The following NRCAM variants were observed in gnomAD, a reference collection of about 807,000 sequenced individuals.
NRCAM encodes NgCAM-related cell adhesion molecule.
In NRCAM, 83 loss-of-function variants were observed where a neutral mutation model predicts 156.5. The ratio of observed to expected loss-of-function variants is 0.53; its 90% confidence interval spans 0.44 to 0.64. The LOEUF is 0.64. Ranked by LOEUF, NRCAM falls within the 30% of genes least tolerant of loss-of-function variation. The pLI is 0.00. For synonymous variants in NRCAM, 538 were observed against 563.9 expected (o/e 0.95, Z 0.65); for missense variants, 1,417 against 1,597.3 (o/e 0.89, Z 1.92).
At position 108,186,548 on chromosome 7, in the gene NRCAM, G is replaced by A. The variant is rs575724162; in HGVS notation, c.2036-1934C>T. ...ATTCCAGGCCACCCTCATCTCTTGTGTGAGTTATCACATAACCTCCTAACT... is the reference window on the plus strand; with the variant it reads ...ATTCCAGGCCACCCTCATCTCTTGTATGAGTTATCACATAACCTCCTAACT... On this transcript the variant is annotated intron_variant, in intron 20 of 32. Transcript: ENST00000379028. 7.2e-5 allele frequency among the ~76,000 whole-genome samples: 11 copies of A among 152,062 alleles called. 1 individual carries two copies. The highest frequency in any genetic ancestry group is 2.7e-4 in the African/African-American group (11 of 41,502).
At chr7:108,307,693 ACC>A (rs373987990) in intron 3 of NRCAM, among the ~76,000 whole-genome samples, 1,571 of 152,018 alleles carry the variant, frequency 0.01, 38 homozygotes, top group African/African-American at 0.036. Flanking sequence ...AAAAAAAAAA[ACC>A]CAAGCATCTA....
intron 1 of NRCAM, among the ~76,000 whole-genome samples, chr7:108,443,013 C>T (rs1233785026): frequency 2.0e-5 from 3 of 152,042 alleles, no homozygotes; most frequent in African/African-American, 7.2e-5. Context: ...GTCTGTAGCA[C>T]GGAAAGAACA....
At position 108,148,308 on chromosome 7, in the gene NRCAM, T is replaced by C. The variant is rs1294878383; in HGVS notation, c.*1602A>G. ...CCTCTTATACAGTACAACATAAACA[T>C]TGCATGTTTATTTGTATGTAACACC... is the stretch of plus-strand genomic sequence containing the variant. On this transcript the variant is annotated 3_prime_UTR_variant, in exon 33 of 33. Transcript: ENST00000379028. 1 of 152,656 alleles carries C rather than the reference T, an allele frequency of 6.6e-6. No homozygotes were observed. Among genetic ancestry groups the C allele is most frequent in the East Asian group, 1.9e-4 (1 of 5,202 alleles). 9.5% of individuals were successfully genotyped at this position (152,656 alleles called of 1,614,324 possible).
chr7:108,321,834 TCAAA>T (rs2099005212), intron 2 of NRCAM, among the ~76,000 whole-genome samples: 2 of 152,234 alleles, frequency 1.3e-5, no homozygotes, highest in South Asian at 4.1e-4. Flanking sequence ...AATTCTTCTT[TCAAA>T]CAAACTTTTA....
intron 1 of NRCAM, among the ~76,000 whole-genome samples, chr7:108,435,458 C>T (rs150316432): frequency 5.9e-5 from 9 of 152,186 alleles, no homozygotes; most frequent in South Asian, 2.1e-4. Context: ...GTTCCAAAAG[C>T]AGAGGAGAGG....
intron 13 of NRCAM, among the ~76,000 whole-genome samples, chr7:108,202,098 T>A (rs753456359): frequency 6.6e-6 from 1 of 152,166 alleles, no homozygotes; most frequent in Non-Finnish European, 1.5e-5. Context: ...TAATCATTAA[T>A]TCTAGGAATA....
intron 12 of NRCAM, among the ~76,000 whole-genome samples, chr7:108,208,085 G>C (rs1346790285): frequency 6.6e-6 from 1 of 151,552 alleles, no homozygotes; most frequent in Admixed American, 6.6e-5. Flanking sequence ...CTTGAGGTCA[G>C]GAGTTCGAAA....
chr7:108,238,730 C>A (rs2095315092), intron 4 of NRCAM, among the ~76,000 whole-genome samples: 1 of 152,248 alleles, frequency 6.6e-6, no homozygotes, highest in Middle Eastern at 3.4e-3. Flanking sequence ...GGCATTCCCA[C>A]TCCAATGGGC....
chr7:108,446,228 G>A (rs1844000491), intron 1 of NRCAM, among the ~76,000 whole-genome samples: 1 of 152,172 alleles, frequency 6.6e-6, no homozygotes, highest in Non-Finnish European at 1.5e-5. Flanking sequence ...GTACCCTTCT[G>A]GATTCAATGA....
chr7:108,268,712 C>G (rs1224408622), intron 3 of NRCAM, among the ~76,000 whole-genome samples: 1 of 151,172 alleles, frequency 6.6e-6, no homozygotes, highest in African/African-American at 2.4e-5. Context: ...ACCACATTCT[C>G]TAGAGGATTG....
At chr7:108,382,289 T>C (rs995109237) in intron 2 of NRCAM, among the ~76,000 whole-genome samples, 4 of 151,696 alleles carry the variant, frequency 2.6e-5, no homozygotes, top group Admixed American at 2.6e-4. Context: ...TTGGTAGCAT[T>C]ATCCAGTCAA....
At chr7:108,213,133 T>G (rs1003572786) in intron 11 of NRCAM, among the ~76,000 whole-genome samples, 56 of 152,332 alleles carry the variant, frequency 3.7e-4, no homozygotes, top group African/African-American at 1.2e-3. Flanking sequence ...GAATTTTGTA[T>G]CCAGCGAAAC....
intron 3 of NRCAM, among the ~76,000 whole-genome samples, chr7:108,276,622 T>C (rs921618532): frequency 1.3e-5 from 2 of 152,160 alleles, no homozygotes; most frequent in Non-Finnish European, 2.9e-5. Context: ...TTTGAGCCTA[T>C]GTGTGTCTGT....
At chr7:108,181,195 GA>G (rs5886442) in intron 24 of NRCAM, among the ~76,000 whole-genome samples, 19,414 of 148,702 alleles carry the variant, frequency 0.13, 1,694 homozygotes, top group African/African-American at 0.25. Context: ...ATGCTAGGGG[GA>G]AAAAAAAAAA....
At chr7:108,451,420 T>C (rs145635874) in intron 1 of NRCAM, among the ~76,000 whole-genome samples, 1,833 of 144,832 alleles carry the variant, frequency 0.013, 41 homozygotes, top group African/African-American at 0.043. Flanking sequence ...CAAAAAAAAA[T>C]AGAACTACCA....
At chr7:108,437,803 T>A (rs1290577783) in intron 1 of NRCAM, among the ~76,000 whole-genome samples, 1 of 152,016 alleles carries the variant, frequency 6.6e-6, no homozygotes, top group African/African-American at 2.4e-5. Flanking sequence ...GTAATATAAA[T>A]GACAATAATA....
intron 1 of NRCAM, among the ~76,000 whole-genome samples, chr7:108,452,739 G>A (rs1357559460): frequency 6.6e-6 from 1 of 152,194 alleles, no homozygotes; most frequent in Non-Finnish European, 1.5e-5. Flanking sequence ...TAAAGAATAT[G>A]TTAGAAGCTC....
intron 1 of NRCAM, among the ~76,000 whole-genome samples, chr7:108,435,127 GA>G (rs1241989016): frequency 6.6e-6 from 1 of 151,804 alleles, no homozygotes; most frequent in Admixed American, 6.6e-5. Context: ...AATATGTTCC[GA>G]AACTAAAGAA....
intron 2 of NRCAM, among the ~76,000 whole-genome samples, chr7:108,358,768 C>A (rs1330559031): frequency 1.3e-5 from 2 of 152,200 alleles, no homozygotes; most frequent in Non-Finnish European, 2.9e-5. Context: ...GAACTGAGTA[C>A]TGCCTCTGGG....
Sources: gnomAD v4.1 joint callset for allele counts (sites outside exome capture counted in the v4.1 genomes callset) on GRCh38, gnomAD v4.1.1 for gene constraint, MANE v1.5 for transcripts, NCBI Gene and HGNC (gene_info 2026-07-23, HGNC 2026-07-21) for gene names.